The following ANO2 variants were observed in gnomAD, a reference collection of about 807,000 sequenced individuals.
ANO2 encodes anoctamin-2.
Under a neutral mutation model 124.2 loss-of-function variants are expected in ANO2, and 101 were observed. That is an observed-to-expected ratio of 0.81 (90% CI 0.69 to 0.96). The LOEUF (loss-of-function observed/expected upper bound fraction) is 0.96, where lower values mean the gene tolerates loss of function less well. Among genes scored for constraint, ANO2 ranks in the 40% least tolerant of loss-of-function variants. ANO2 has a pLI of 0.00. For missense variants in ANO2, 1,293 were observed against 1,274.5 expected (o/e 1.01, Z -0.22); for synonymous variants, 486 against 482.5 (o/e 1.01, Z -0.09).
At chr12:5,630,473 G>A (rs1225210372) in intron 16 of ANO2, among the ~76,000 whole-genome samples, 2 of 152,132 alleles carry the variant, frequency 1.3e-5, no homozygotes, top group Non-Finnish European at 2.9e-5. Context: ...TACTCTTGGT[G>A]CCTCTTTCAG....
chr12:5,723,112 T>G (rs1480130714), intron 14 of ANO2, among the ~76,000 whole-genome samples: 1 of 152,156 alleles, frequency 6.6e-6, no homozygotes, highest in Non-Finnish European at 1.5e-5. Flanking sequence ...TCAAGAGCCT[T>G]TCTTCCTTTC....
At chr12:5,919,010 GTC>G (rs1941539954) in intron 3 of ANO2, among the ~76,000 whole-genome samples, 1 of 152,186 alleles carries the variant, frequency 6.6e-6, no homozygotes, top group Non-Finnish European at 1.5e-5. Flanking sequence ...GCCAGAGTCT[GTC>G]CTGGGTGCTG....
At chr12:5,751,537 G>A (rs930059073) in intron 10 of ANO2, among the ~76,000 whole-genome samples, 3 of 152,088 alleles carry the variant, frequency 2.0e-5, no homozygotes, top group Admixed American at 6.5e-5. Context: ...TTATTTTTAA[G>A]CCAGTTTACT....
At chr12:5,579,556 G>T (rs373852865) in intron 20 of ANO2, among the ~76,000 whole-genome samples, 33 of 152,292 alleles carry the variant, frequency 2.2e-4, no homozygotes, top group African/African-American at 7.9e-4. Context: ...ACAGCCTCCT[G>T]ACGGGGTTTC....
At chr12:5,726,348 G>A (rs919404926) in intron 14 of ANO2, among the ~76,000 whole-genome samples, 1 of 152,146 alleles carries the variant, frequency 6.6e-6, no homozygotes, top group African/African-American at 2.4e-5. Flanking sequence ...CACTAATGTG[G>A]GGTAGCGAAT....
intron 10 of ANO2, among the ~76,000 whole-genome samples, chr12:5,766,710 G>A (rs560944838): frequency 8.5e-5 from 13 of 152,306 alleles, no homozygotes; most frequent in African/African-American, 2.6e-4. Context: ...AAAAGAGGCA[G>A]CATAGTCACA....
At chr12:5,662,664 C>T (rs1400534474) in intron 14 of ANO2, among the ~76,000 whole-genome samples, 3 of 152,084 alleles carry the variant, frequency 2.0e-5, no homozygotes, top group African/African-American at 7.2e-5. Context: ...CAGGAACTTG[C>T]AACAATAATA....
Position 5,615,303 on chromosome 12 carries a change from AGAG to A in ANO2, c.1817-9_1817-7del. 6.2e-7 allele frequency: 1 copy of A among 1,608,332 alleles called. No homozygotes were observed. The highest frequency in any genetic ancestry group is 8.5e-7 in the Non-Finnish European group (1 of 1,176,594). ...CTGTTCTGTTTTCGGAACCTCTGTA[AGAG>A]AAGAGCGAGGCTGATGAGATTGGGG... On this transcript the variant is annotated splice_polypyrimidine_tract_variant and splice_region_variant and intron_variant, in intron 16 of 24. Coordinates refer to ENST00000682330, the MANE Select transcript of ANO2 (RefSeq NM_001364791.2).
chr12:5,818,447 T>TTATATATATATATATA (rs57443240), intron 7 of ANO2, among the ~76,000 whole-genome samples: 2 of 82,952 alleles, frequency 2.4e-5, no homozygotes, highest in African/African-American at 4.0e-5. Context: ...TAAACTCATA[T>TTATATATATATATATA]TATATATATA....
chr12:5,907,541 C>T (rs1451384002), intron 3 of ANO2, among the ~76,000 whole-genome samples: 1 of 152,308 alleles, frequency 6.6e-6, no homozygotes, highest in African/African-American at 2.4e-5. Context: ...AAACTCCCTG[C>T]ACCTTCTCCC....
chr12:5,650,164 G>A (rs1946846905), intron 14 of ANO2, among the ~76,000 whole-genome samples: 1 of 152,090 alleles, frequency 6.6e-6, no homozygotes, highest in South Asian at 2.1e-4. Flanking sequence ...TAGATACTGA[G>A]GACACGCTGA....
chr12:5,865,892 T>C (rs1375169129), intron 3 of ANO2, among the ~76,000 whole-genome samples: 1 of 152,230 alleles, frequency 6.6e-6, no homozygotes, highest in Non-Finnish European at 1.5e-5. Flanking sequence ...CTGGGACAGA[T>C]CACGACCAGG....
intron 10 of ANO2, among the ~76,000 whole-genome samples, chr12:5,767,179 T>C (rs1951919249): frequency 6.6e-6 from 1 of 152,224 alleles, no homozygotes; most frequent in Non-Finnish European, 1.5e-5. Context: ...CAGGCTTTCC[T>C]GGTCCCTCAG....
intron 4 of ANO2, among the ~76,000 whole-genome samples, chr12:5,842,125 C>T (rs1409404191): frequency 6.6e-6 from 1 of 152,116 alleles, no homozygotes; most frequent in Non-Finnish European, 1.5e-5. Context: ...AGTGATCCTC[C>T]TGCCTTTGCC....
At chr12:5,804,036 G>A (rs1000990731) in intron 9 of ANO2, among the ~76,000 whole-genome samples, 1 of 152,150 alleles carries the variant, frequency 6.6e-6, no homozygotes, top group African/African-American at 2.4e-5. Flanking sequence ...CCCCAGAGAG[G>A]CCACCCTACA....
At chr12:5,705,966 T>C (rs975977061) in intron 14 of ANO2, among the ~76,000 whole-genome samples, 2 of 152,158 alleles carry the variant, frequency 1.3e-5, no homozygotes, top group Non-Finnish European at 2.9e-5. Context: ...GGAAGAGTCT[T>C]TGACCTTGCT....
chr12:5,725,378 C>T (rs4930799), intron 14 of ANO2, among the ~76,000 whole-genome samples: 21,507 of 152,180 alleles, frequency 0.14, 1,600 homozygotes, highest in Middle Eastern at 0.23. Flanking sequence ...AAGGACCCCA[C>T]TTGTAAATGA....
At chr12:5,662,850 C>G (rs1947516969) in intron 14 of ANO2, among the ~76,000 whole-genome samples, 1 of 152,036 alleles carries the variant, frequency 6.6e-6, no homozygotes, top group African/African-American at 2.4e-5. Flanking sequence ...GGATAGGACC[C>G]CAAAAAAGGC....
chr12:5,946,140 T>C (rs1487024038), upstream of ANO2: 1 of 1,613,838 alleles, frequency 6.2e-7, no homozygotes, highest in Non-Finnish European at 8.5e-7. This position sits in a 1 kb window ranked among gnomAD's most constrained non-coding sequence, Gnocchi z 4.1. Flanking sequence ...ATGCCATTTG[T>C]GATCACTGAC....
Sources: gnomAD v4.1 joint callset for allele counts (sites outside exome capture counted in the v4.1 genomes callset) on GRCh38, gnomAD v4.1.1 for gene constraint, Gnocchi (gnomAD v3.1) non-coding constraint, MANE v1.5 for transcripts, NCBI Gene and HGNC (gene_info 2026-07-23, HGNC 2026-07-21) for gene names.